CFAP299: variants seen among roughly 807,000 people sequenced by gnomAD.
The protein encoded by CFAP299 is cilia- and flagella-associated protein 299.
CFAP299 carries 21 observed loss-of-function variants against 27.0 expected under a neutral mutation model. The observed-to-expected ratio is 0.78, with a 90% CI of 0.55 to 1.12. CFAP299 has a LOEUF of 1.12. Ranked by LOEUF, CFAP299 falls within the 50% of genes most tolerant of loss-of-function variation. The probability of loss-of-function intolerance (pLI) is 0.00; values close to 1 mark genes in which losing one functional copy is unlikely to be tolerated. For synonymous variants in CFAP299, 104 were observed against 98.1 expected, an observed-to-expected ratio of 1.06 and a Z score of -0.36; for missense variants, 310 against 276.6, an observed-to-expected ratio of 1.12 and a Z score of -0.86.
chr4:80,579,988 G>T (rs1736082946), intron 2 of CFAP299, among the ~76,000 whole-genome samples: 1 of 152,022 alleles, frequency 6.6e-6, no homozygotes. Flanking sequence ...GTAGGAAGTA[G>T]ACATATTTTG....
chr4:80,654,288 A>C (rs1197773119), intron 3 of CFAP299, among the ~76,000 whole-genome samples: 2 of 152,094 alleles, frequency 1.3e-5, no homozygotes, highest in African/African-American at 4.8e-5. Context: ...GGCACCTGGG[A>C]GTTTTACTCA....
chr4:80,608,430 T>C, intron 3 of CFAP299: 1 of 1,307,502 alleles, frequency 7.6e-7, no homozygotes, highest in Non-Finnish European at 1.1e-6. Context: ...TAGAAAAACA[T>C]TTTGGCTTCA....
intron 3 of CFAP299, among the ~76,000 whole-genome samples, chr4:80,792,578 A>G (rs1727632551): frequency 6.6e-6 from 1 of 152,108 alleles, no homozygotes; most frequent in African/African-American, 2.4e-5. Context: ...GTTATTTTTT[A>G]TAGTGGTTGT....
At chr4:80,945,114 A>G (rs1042576999) in intron 5 of CFAP299, among the ~76,000 whole-genome samples, 175 bp downstream of exon 5, 1 of 152,242 alleles carries the variant, frequency 6.6e-6, no homozygotes, top group African/African-American at 2.4e-5. Context: ...ATAGCTTCAT[A>G]AATTATTAGA....
At chr4:80,542,471 G>C (rs937302614) in intron 2 of CFAP299, among the ~76,000 whole-genome samples, 3 of 152,146 alleles carry the variant, frequency 2.0e-5, no homozygotes, top group African/African-American at 7.2e-5. Context: ...GGTACTGAAG[G>C]AGGAGGAAAC....
intron 3 of CFAP299, among the ~76,000 whole-genome samples, chr4:80,773,470 C>G (rs1256425028): frequency 6.6e-6 from 1 of 152,002 alleles, no homozygotes; most frequent in Non-Finnish European, 1.5e-5. Flanking sequence ...ACAAGTGGAC[C>G]AGCTTTTTTT....
chr4:80,849,030 C>T (rs752121560), intron 3 of CFAP299, among the ~76,000 whole-genome samples: 8 of 152,062 alleles, frequency 5.3e-5, no homozygotes, highest in Non-Finnish European at 1.2e-4. Flanking sequence ...CCTTAACTTA[C>T]GATGACATTT....
At chr4:80,561,104 G>T (rs999350829) in intron 2 of CFAP299, among the ~76,000 whole-genome samples, 1 of 152,166 alleles carries the variant, frequency 6.6e-6, no homozygotes, top group Non-Finnish European at 1.5e-5. Context: ...GCTTTAGGTG[G>T]CTCAGAACAG....
chr4:80,673,128 CT>C (rs1243881633), intron 3 of CFAP299, among the ~76,000 whole-genome samples: 4 of 152,138 alleles, frequency 2.6e-5, no homozygotes, highest in African/African-American at 9.7e-5. Flanking sequence ...ATCTTTCCTG[CT>C]TTCTCTTGTG....
intron 3 of CFAP299, among the ~76,000 whole-genome samples, chr4:80,584,559 C>G (rs1264826783): frequency 1.3e-5 from 2 of 151,984 alleles, no homozygotes; most frequent in East Asian, 3.9e-4. Context: ...TATTTCCTTC[C>G]TTGGTGTCTG....
chr4:80,943,642 T>C (rs1386534683), intron 4 of CFAP299, among the ~76,000 whole-genome samples: 1 of 152,130 alleles, frequency 6.6e-6, no homozygotes, highest in Admixed American at 6.6e-5. Flanking sequence ...TATTTTATAT[T>C]TTATAAGATA....
rs77387450 is a variant in CFAP299, at chr4:80,712,718, G to A, written c.333+129535G>A. Among the ~76,000 whole-genome samples the A allele has an allele frequency of 5.8e-3, 881 of 152,040 alleles. 6 individuals carry two copies. The highest frequency in any genetic ancestry group is 0.02 in the African/African-American group (820 of 41,458). The stretch of plus-strand genomic sequence containing the variant: ...AATGAATTAGTATGTTTTTCCCTTC[G>A]ATAATAGCTGGATTAATTCAACTAA... On this transcript the variant is annotated intron_variant, in intron 3 of 5. Transcript: ENST00000358105.
intron 3 of CFAP299, among the ~76,000 whole-genome samples, chr4:80,687,215 G>C (rs571658330): frequency 1.3e-5 from 2 of 152,176 alleles, no homozygotes; most frequent in Admixed American, 6.5e-5. Flanking sequence ...CCTGGAATGT[G>C]CTTCTCTCTT....
intron 3 of CFAP299, among the ~76,000 whole-genome samples, chr4:80,599,665 G>T (rs1737229783): frequency 6.6e-6 from 1 of 151,986 alleles, no homozygotes; most frequent in Admixed American, 6.6e-5. Flanking sequence ...AACTCTCTTA[G>T]GTTACCTCAT....
chr4:80,327,654 A>C, the CFAP299 span, among the ~76,000 whole-genome samples: 1 of 80,056 alleles, frequency 1.2e-5, no homozygotes. Flanking sequence ...AAAGCAGTGA[A>C]TGGATTTTAT....
At chr4:80,527,595 C>A (rs989123) in intron 2 of CFAP299, among the ~76,000 whole-genome samples, 20,270 of 152,068 alleles carry the variant, frequency 0.13, 1,581 homozygotes, top group African/African-American at 0.21. Context: ...TTCCTTTCAA[C>A]TAAATAATGT....
intron 1 of CFAP299, among the ~76,000 whole-genome samples, chr4:80,347,732 A>C (rs1303966958): frequency 6.6e-6 from 1 of 152,210 alleles, no homozygotes; most frequent in Non-Finnish European, 1.5e-5. Flanking sequence ...ATACAATGCT[A>C]TTCCCATTAA....
chr4:80,666,007 A>G (rs1577992890), intron 3 of CFAP299, among the ~76,000 whole-genome samples: 1 of 152,190 alleles, frequency 6.6e-6, no homozygotes, highest in African/African-American at 2.4e-5. Context: ...TACAGCCTGC[A>G]AAACTATAAG....
chr4:80,412,412 T>A lies in CFAP299; in HGVS notation c.242+49528T>A, dbSNP rs1165458959. On this transcript the variant is annotated intron_variant, in intron 2 of 5. Coordinates refer to ENST00000358105, the MANE Select transcript of CFAP299 (RefSeq NM_152770.3). ...AAAAAGATAAGCAAGAAAAAGCCCC[T>A]TTAATTAAGAAGCTTATAGTTCAGA... 3.3e-5 allele frequency among the ~76,000 whole-genome samples: 5 copies of A among 152,142 alleles called. No individual in the cohort carries two copies. The East Asian group carries it at 7.7e-4, about 23-fold the overall frequency.
Sources: allele counts gnomAD v4.1 joint callset (sites outside exome capture counted in the v4.1 genomes callset), GRCh38; gene constraint gnomAD v4.1.1; transcripts MANE v1.5; gene names NCBI Gene and HGNC (gene_info 2026-07-23, HGNC 2026-07-21).